LYPLAL1: variants seen among roughly 807,000 people sequenced by gnomAD.
LYPLAL1 encodes the protein lysophospholipase like 1, also known as lysophospholipase-like protein 1.
Under a neutral mutation model 19.7 loss-of-function variants are expected in LYPLAL1, and 23 were observed. The observed-to-expected ratio is 1.17, with a 90% CI of 0.84 to 1.65. The LOEUF (loss-of-function observed/expected upper bound fraction) is 1.65. Among genes scored for constraint, LYPLAL1 ranks in the 40% most tolerant of loss-of-function variants. The pLI is 0.00. For missense variants in LYPLAL1, 355 were observed against 279.4 expected (o/e 1.27, Z -1.93); for synonymous variants, 119 against 96.3 (o/e 1.24, Z -1.38).
the LYPLAL1 span, among the ~76,000 whole-genome samples, chr1:219,332,688 C>G: frequency 6.6e-6 from 1 of 151,066 alleles, no homozygotes; most frequent in Non-Finnish European, 1.5e-5. Flanking sequence ...AGACTTATTT[C>G]TTATTACTGC....
At chr1:219,261,599 T>C in the LYPLAL1 span, among the ~76,000 whole-genome samples, 1 of 152,134 alleles carries the variant, frequency 6.6e-6, no homozygotes. Flanking sequence ...GTCTGAAAAA[T>C]ACTTTATCTC....
intron 2 of LYPLAL1, among the ~76,000 whole-genome samples, chr1:219,190,352 TTCTC>T (rs1369484355): frequency 6.6e-6 from 1 of 151,470 alleles, no homozygotes; most frequent in Non-Finnish European, 1.5e-5. Context: ...TTTCCTCCCT[TTCTC>T]TCTCCTTCTT....
chr1:219,351,435 T>G, the LYPLAL1 span, among the ~76,000 whole-genome samples: 3 of 152,148 alleles, frequency 2.0e-5, no homozygotes, highest in Non-Finnish European at 4.4e-5. Flanking sequence ...CTATACTTAA[T>G]GTTACTAACC....
chr1:219,352,148 T>G, the LYPLAL1 span, among the ~76,000 whole-genome samples: 1 of 152,264 alleles, frequency 6.6e-6, no homozygotes. Context: ...AATTGAAGGC[T>G]GACTCTATCA....
chr1:219,360,921 C>A, the LYPLAL1 span, among the ~76,000 whole-genome samples: 1 of 151,960 alleles, frequency 6.6e-6, no homozygotes, highest in African/African-American at 2.4e-5. Context: ...AGAAACAAAG[C>A]AAAAGTGATT....
At chr1:219,379,379 T>A in the LYPLAL1 span, among the ~76,000 whole-genome samples, 1 of 152,232 alleles carries the variant, frequency 6.6e-6, no homozygotes, top group East Asian at 1.9e-4. Context: ...AGATGTACAT[T>A]GTCCCAGTGT....
chr1:219,303,454 A>T, the LYPLAL1 span, among the ~76,000 whole-genome samples: 1 of 152,300 alleles, frequency 6.6e-6, no homozygotes, highest in South Asian at 2.1e-4. Flanking sequence ...GGGCTTGGGA[A>T]TCCCCAAGAC....
At chr1:219,435,832 GATAATA>G in the LYPLAL1 span, among the ~76,000 whole-genome samples, 5 of 150,992 alleles carry the variant, frequency 3.3e-5, no homozygotes, top group Admixed American at 1.3e-4. Flanking sequence ...TCCCAAAAAT[GATAATA>G]ATAATAATAA....
chr1:219,179,273 A>G, intron 2 of LYPLAL1, 27 bp downstream of exon 2: 1 of 1,481,676 alleles, frequency 6.7e-7, no homozygotes, highest in South Asian at 1.1e-5. Context: ...CTCACTTGTC[A>G]ATATAACTCT....
the LYPLAL1 span, among the ~76,000 whole-genome samples, chr1:219,246,032 A>G: frequency 4.6e-5 from 7 of 152,218 alleles, no homozygotes; most frequent in South Asian, 1.4e-3. Flanking sequence ...ATGGTTAACA[A>G]ATTAAAATGC....
chr1:219,431,887 C>T, the LYPLAL1 span, among the ~76,000 whole-genome samples: 2 of 152,206 alleles, frequency 1.3e-5, no homozygotes, highest in South Asian at 2.1e-4. Context: ...TCGCTACCCT[C>T]CTTTTCCCAA....
At chr1:219,199,525 C>G (rs753618961) in intron 3 of LYPLAL1, among the ~76,000 whole-genome samples, 1 of 151,852 alleles carries the variant, frequency 6.6e-6, no homozygotes, top group African/African-American at 2.4e-5. Flanking sequence ...TCACTGCAAC[C>G]TCCACCTCCT....
chr1:219,232,116 C>T, the LYPLAL1 span, among the ~76,000 whole-genome samples: 1 of 152,090 alleles, frequency 6.6e-6, no homozygotes, highest in Admixed American at 6.6e-5. Context: ...ATTATCTTAG[C>T]TTTCATACTG....
At chr1:219,183,591 A>G (rs1277914711) in intron 2 of LYPLAL1, among the ~76,000 whole-genome samples, 1 of 151,564 alleles carries the variant, frequency 6.6e-6, no homozygotes, top group Non-Finnish European at 1.5e-5. Flanking sequence ...TTTCAAGTCA[A>G]CTCCCATCTC....
At chr1:219,189,893 A>G (rs1298215931) in intron 2 of LYPLAL1, among the ~76,000 whole-genome samples, 1 of 151,716 alleles carries the variant, frequency 6.6e-6, no homozygotes, top group Non-Finnish European at 1.5e-5. Flanking sequence ...AGAACAATAG[A>G]TGCCTGAGAA....
At chr1:219,255,230 G>A in the LYPLAL1 span, among the ~76,000 whole-genome samples, 1 of 151,246 alleles carries the variant, frequency 6.6e-6, no homozygotes, top group Admixed American at 6.6e-5. Flanking sequence ...TTATAAATAT[G>A]GTATATATAC....
intron 2 of LYPLAL1, among the ~76,000 whole-genome samples, chr1:219,182,963 A>G (rs569537733): frequency 1.3e-5 from 2 of 152,242 alleles, no homozygotes; most frequent in South Asian, 4.1e-4. Context: ...ATGAGTGAAA[A>G]TGAAATGTAT....
the LYPLAL1 span, among the ~76,000 whole-genome samples, chr1:219,279,240 T>C: frequency 6.6e-6 from 1 of 152,134 alleles, no homozygotes; most frequent in Non-Finnish European, 1.5e-5. Flanking sequence ...GGGCAGGGGA[T>C]TTGTGACAAG....
At chr1:219,304,101 T>C in the LYPLAL1 span, among the ~76,000 whole-genome samples, 119,573 of 152,106 alleles carry the variant, frequency 0.79, 47,170 homozygotes, top group East Asian at 0.99. Flanking sequence ...TAAATTACCT[T>C]CTCTCTCTCT....
Sources: allele counts gnomAD v4.1 joint callset (sites outside exome capture counted in the v4.1 genomes callset), GRCh38; gene constraint gnomAD v4.1.1; transcripts MANE v1.5; gene names NCBI Gene and HGNC (gene_info 2026-07-23, HGNC 2026-07-21).